PRIM2: variants seen among roughly 807,000 people sequenced by gnomAD.
PRIM2 encodes the protein DNA primase subunit 2.
In PRIM2, 39 loss-of-function variants were observed where a neutral mutation model predicts 67.3. The ratio of observed to expected loss-of-function variants is 0.58; its 90% CI spans 0.45 to 0.76. The LOEUF is 0.76. PRIM2 is among the 30% of genes least tolerant of loss of function. The probability of loss-of-function intolerance (pLI) is 0.00; values close to 1 mark genes in which losing one functional copy is unlikely to be tolerated. For missense variants in PRIM2, 398 were observed against 598.7 expected (o/e 0.66, Z 3.50); for synonymous variants, 143 against 198.7 (o/e 0.72, Z 2.36).
upstream of PRIM2, among the ~76,000 whole-genome samples, chr6:57,311,547 G>C (rs1477218188): frequency 1.3e-5 from 2 of 152,182 alleles, no homozygotes; most frequent in Admixed American, 1.3e-4. Flanking sequence ...TTCCTAGAGG[G>C]GGCGGCGGGG....
chr6:57,607,450 C>T (rs1300114740), intron 12 of PRIM2, among the ~76,000 whole-genome samples: 10 of 152,028 alleles, frequency 6.6e-5, no homozygotes, highest in Admixed American at 1.3e-4. Flanking sequence ...AGACTATAAC[C>T]AGCTGAAGAG....
rs1774549973 is a variant in PRIM2 at position 57,519,084 on chromosome 6, C to G, written c.761+11630C>G. Among the ~76,000 whole-genome samples the G allele has an allele frequency of 6.6e-5, 10 of 152,224 alleles. No individual in the cohort carries two copies. The South Asian group carries it at 2.1e-3, about 32-fold the overall frequency. On this transcript the variant is annotated intron_variant, in intron 8 of 13. Coordinates refer to ENST00000615550, the MANE Select transcript of PRIM2 (RefSeq NM_000947.5). Reference sequence around the variant, plus strand: ...CCAGCAAGTTTTTATTAGGGATTTTCAAAAGGGGAGGGAGTGTGCGAATAG... The same window carrying G: ...CCAGCAAGTTTTTATTAGGGATTTTGAAAAGGGGAGGGAGTGTGCGAATAG...
At chr6:57,381,152 A>G (rs1240701281) in intron 6 of PRIM2, among the ~76,000 whole-genome samples, 3 of 152,220 alleles carry the variant, frequency 2.0e-5, no homozygotes, top group Admixed American at 1.3e-4. Flanking sequence ...GTGTGTGCCC[A>G]TGAGGGCAGG....
the PRIM2 span, among the ~76,000 whole-genome samples, chr6:57,280,841 G>T: frequency 6.6e-6 from 1 of 151,870 alleles, no homozygotes; most frequent in African/African-American, 2.4e-5. Context: ...AATTTTCATT[G>T]AGGTAAAATA....
chr6:57,373,678 T>G (rs568796268), intron 5 of PRIM2, among the ~76,000 whole-genome samples: 2 of 152,348 alleles, frequency 1.3e-5, no homozygotes, highest in Non-Finnish European at 2.9e-5. Context: ...TAGCCAGTTC[T>G]CACAGCACCA....
intron 13 of PRIM2, among the ~76,000 whole-genome samples, chr6:57,642,197 A>G (rs1777249978): frequency 6.6e-6 from 1 of 151,988 alleles, no homozygotes; most frequent in Admixed American, 6.6e-5. Flanking sequence ...ACATGGACAC[A>G]GGGAGGGAAA....
rs374064587 is a variant in PRIM2 at position 57,444,297 on chromosome 6, G to A, written c.693+62129G>A. Among the ~76,000 whole-genome samples the A allele has an allele frequency of 8.5e-5, 13 of 152,152 alleles. No individual in the cohort carries two copies. The South Asian group carries it at 2.1e-3, about 24-fold the overall frequency. ...AATTATGGTATTATAGGCTGGGCGC[G>A]GTAGCTCATGCCTGTAATCCCAGCA... On this transcript the variant is annotated intron_variant, in intron 7 of 13. Coordinates refer to ENST00000615550, the MANE Select transcript of PRIM2 (RefSeq NM_000947.5).
intron 3 of PRIM2, among the ~76,000 whole-genome samples, chr6:57,322,015 T>C: frequency 6.6e-6 from 1 of 152,128 alleles, no homozygotes; most frequent in Non-Finnish European, 1.5e-5. Context: ...TGGGCCCTTA[T>C]AGATAGGGGC....
At chr6:57,377,176 C>A (rs6919906) in intron 5 of PRIM2, among the ~76,000 whole-genome samples, 4,615 of 152,098 alleles carry the variant, frequency 0.03, 235 homozygotes, top group African/African-American at 0.1. Flanking sequence ...GTGTGAGTCA[C>A]CGCACCCTGC....
Position 57,382,177 on chromosome 6 carries a change from T to C in PRIM2, c.693+9T>C. The C allele has an allele frequency of 6.2e-7, 1 of 1,611,658 alleles. No individual in the cohort carries two copies. The highest frequency in any genetic ancestry group is 1.3e-5 in the African/African-American group (1 of 75,016). On this transcript the variant is annotated intron_variant, in intron 7 of 13. Coordinates refer to ENST00000615550, the MANE Select transcript of PRIM2 (RefSeq NM_000947.5). ...TGTCCAAGGCTTTGGCAGTGAGTAT[T>C]TTACTTGATTTCTGTATCTGACATG...
intron 7 of PRIM2, among the ~76,000 whole-genome samples, chr6:57,388,004 C>A (rs1035920790): frequency 2.0e-5 from 3 of 151,832 alleles, no homozygotes; most frequent in African/African-American, 7.3e-5. Context: ...GCAAAGGCCC[C>A]CAAAGGGAGG....
At chr6:57,483,630 T>G (rs1773681428) in intron 7 of PRIM2, among the ~76,000 whole-genome samples, 1 of 151,968 alleles carries the variant, frequency 6.6e-6, no homozygotes, top group African/African-American at 2.4e-5. Context: ...GTTAATTCAG[T>G]GTAGATTATG....
the PRIM2 span, among the ~76,000 whole-genome samples, chr6:57,291,401 C>T: frequency 6.6e-6 from 1 of 152,094 alleles, no homozygotes; most frequent in Non-Finnish European, 1.5e-5. Context: ...GATTCACAGC[C>T]GAATTCTACC....
intron 10 of PRIM2, among the ~76,000 whole-genome samples, chr6:57,569,776 C>T (rs1288486441): frequency 1.3e-5 from 2 of 150,912 alleles, no homozygotes; most frequent in African/African-American, 2.4e-5. Flanking sequence ...GAGATGGAGT[C>T]TTGCTCTGTT....
At chr6:57,296,402 C>T in the PRIM2 span, among the ~76,000 whole-genome samples, 95,653 of 151,918 alleles carry the variant, frequency 0.63, 32,472 homozygotes, top group African/African-American at 0.88. Flanking sequence ...AAATAATTCC[C>T]GAGAGCCAGG....
At chr6:57,585,706 C>T (rs1776175846) in intron 10 of PRIM2, among the ~76,000 whole-genome samples, 1 of 152,192 alleles carries the variant, frequency 6.6e-6, no homozygotes, top group Admixed American at 6.5e-5. Flanking sequence ...AAGATTCTTA[C>T]TACAACTGTG....
intron 7 of PRIM2, among the ~76,000 whole-genome samples, chr6:57,488,368 C>T (rs1298985779): frequency 6.6e-6 from 1 of 152,220 alleles, no homozygotes; most frequent in Non-Finnish European, 1.5e-5. Context: ...CTGCCCGCCT[C>T]ATCTTTAATC....
the PRIM2 span, among the ~76,000 whole-genome samples, chr6:57,266,434 A>G: frequency 6.6e-6 from 1 of 152,326 alleles, no homozygotes; most frequent in South Asian, 2.1e-4. Context: ...AGAGTTTTCA[A>G]TTTTACCTAA....
At chr6:57,564,288 G>A (rs1396475043) in intron 10 of PRIM2, among the ~76,000 whole-genome samples, 1 of 152,142 alleles carries the variant, frequency 6.6e-6, no homozygotes, top group African/African-American at 2.4e-5. Context: ...ACAGTTTATA[G>A]TTAGAAAAAA....
Sources: allele counts gnomAD v4.1 joint callset (sites outside exome capture counted in the v4.1 genomes callset), GRCh38; gene constraint gnomAD v4.1.1; transcripts MANE v1.5; gene names NCBI Gene and HGNC (gene_info 2026-07-23, HGNC 2026-07-21).